Variants in ZNF365 observed in about 807,000 individuals in gnomAD.
ZNF365 encodes zinc finger protein 365.
In ZNF365, 22 loss-of-function variants were observed where a neutral mutation model predicts 35.0. That is an observed-to-expected ratio of 0.63 (90% CI 0.45 to 0.90). The LOEUF (loss-of-function observed/expected upper bound fraction) is 0.90. Among genes scored for constraint, ZNF365 ranks in the 40% least tolerant of loss-of-function variants. The pLI, the probability that ZNF365 is intolerant of heterozygous loss-of-function variation, is 0.00. For synonymous variants in ZNF365, 188 were observed against 196.2 expected (o/e 0.96, Z 0.35); for missense variants, 448 against 500.3 (o/e 0.90, Z 1.00).
Position 62,376,716 on chromosome 10 carries a change from A to G in ZNF365, c.523A>G (p.Thr175Ala). 6.2e-7 allele frequency: 1 copy of G among 1,614,168 alleles called. No homozygotes were observed. The highest frequency in any genetic ancestry group is 8.5e-7 in the Non-Finnish European group (1 of 1,180,032). ...FNRMVEAVDR[T>A]IEKRIDKLTK... ...TCGAATGGTTGAGGCTGTGGATAGG[A>G]CCATTGAGAAGAGAATTGATAAACT... is the stretch of plus-strand genomic sequence containing the variant. The change falls in exon 2 of 5, where the codon ACC (threonine) becomes GCC (alanine). Residue 175 changes from threonine to alanine, a missense_variant. Physicochemically the swap from Thr to Ala is moderately conservative, Grantham distance 58 (BLOSUM62 0). This residue lies in a region of ZNF365 where 362 missense variants were observed against 375.7 expected (regional missense o/e 0.96). Coordinates refer to ENST00000395254, the MANE Select transcript of ZNF365 (RefSeq NM_014951.3).
chr10:62,378,493 G>T (rs1839373461), intron 2 of ZNF365, among the ~76,000 whole-genome samples: 1 of 152,070 alleles, frequency 6.6e-6, no homozygotes, highest in Admixed American at 6.5e-5. Flanking sequence ...GCTATGCATG[G>T]GTCAGTTACA....
chr10:62,413,343 G>T (rs920320180), intron 3 of ZNF365, among the ~76,000 whole-genome samples: 1 of 152,110 alleles, frequency 6.6e-6, no homozygotes, highest in Non-Finnish European at 1.5e-5. Flanking sequence ...AATGTGCATT[G>T]TGAATCTTTT....
intron 3 of ZNF365, among the ~76,000 whole-genome samples, chr10:62,437,770 C>A (rs1320019981): frequency 6.6e-6 from 1 of 152,186 alleles, no homozygotes; most frequent in East Asian, 1.9e-4. Flanking sequence ...TGACCAGAAA[C>A]AAGCAGCCCT....
chr10:62,424,479 T>C (rs1490557720), intron 3 of ZNF365, among the ~76,000 whole-genome samples: 1 of 152,180 alleles, frequency 6.6e-6, no homozygotes, highest in East Asian at 1.9e-4. Flanking sequence ...AAAATAGTCA[T>C]TTGATAATTT....
chr10:62,470,334 A>G (rs1841014100), intron 4 of ZNF365, among the ~76,000 whole-genome samples: 1 of 152,176 alleles, frequency 6.6e-6, no homozygotes, highest in African/African-American at 2.4e-5. Context: ...GGAATCCTTA[A>G]CTTCTATCAT....
At chr10:62,404,158 A>G (rs1283754095), downstream of ZNF365, among the ~76,000 whole-genome samples, 1 of 152,228 alleles carries the variant, frequency 6.6e-6, no homozygotes, top group Non-Finnish European at 1.5e-5. Flanking sequence ...AACCTCACAT[A>G]TAGGCAGGCT....
chr10:62,422,671 A>T (rs577090525), intron 3 of ZNF365, among the ~76,000 whole-genome samples: 1 of 152,248 alleles, frequency 6.6e-6, no homozygotes, highest in Admixed American at 6.5e-5. Flanking sequence ...TCATTTATTC[A>T]GTTTGGAAAT....
At chr10:62,415,028 TG>T (rs1840051229) in intron 3 of ZNF365, among the ~76,000 whole-genome samples, 1 of 151,974 alleles carries the variant, frequency 6.6e-6, no homozygotes, top group Non-Finnish European at 1.5e-5. Context: ...TCGTCTGATT[TG>T]TTTTTAGAGA....
chr10:62,480,133 G>T, exon 5 of ZNF365: 1 of 1,312,544 alleles, frequency 7.6e-7, no homozygotes, highest in Non-Finnish European at 9.7e-7. Flanking sequence ...TGAGGGCACA[G>T]CCCACCCCTC....
chr10:62,476,303 T>C (rs1055072657), intron 4 of ZNF365, among the ~76,000 whole-genome samples: 8 of 152,154 alleles, frequency 5.3e-5, no homozygotes, highest in African/African-American at 1.7e-4. Flanking sequence ...TTTGATAGAG[T>C]TTCTACAGAG....
chr10:62,443,878 C>G (rs1840542135), intron 3 of ZNF365, among the ~76,000 whole-genome samples: 1 of 152,164 alleles, frequency 6.6e-6, no homozygotes. Flanking sequence ...TTAAGCCAGG[C>G]CTCTCCACTG....
chr10:62,416,884 G>A (rs563113691), intron 3 of ZNF365, among the ~76,000 whole-genome samples: 7 of 152,046 alleles, frequency 4.6e-5, no homozygotes, highest in Non-Finnish European at 5.9e-5. Context: ...TTAGTATTTT[G>A]AATTTGGGAT....
chr10:62,410,406 C>T (rs1419280880), intron 3 of ZNF365, among the ~76,000 whole-genome samples: 3 of 152,066 alleles, frequency 2.0e-5, no homozygotes, highest in Non-Finnish European at 4.4e-5. Context: ...TTCTAGGGTA[C>T]ATGTGCAGGA....
intron 3 of ZNF365, among the ~76,000 whole-genome samples, chr10:62,447,403 G>T (rs905262041): frequency 2.5e-4 from 38 of 152,138 alleles, no homozygotes; most frequent in African/African-American, 2.4e-5. Context: ...TCTAGCAAAT[G>T]GTTGAAAGCT....
chr10:62,421,601 C>T (rs1022881720), intron 3 of ZNF365, among the ~76,000 whole-genome samples: 8 of 152,140 alleles, frequency 5.3e-5, no homozygotes, highest in Non-Finnish European at 1.2e-4. Context: ...CTGACAGCCT[C>T]CCGACATTGG....
chr10:62,405,540 A>T (rs941593425), downstream of ZNF365, among the ~76,000 whole-genome samples: 1 of 152,162 alleles, frequency 6.6e-6, no homozygotes, highest in Non-Finnish European at 1.5e-5. Context: ...GCATTTGTTG[A>T]TTACATAAAA....
intron 3 of ZNF365, among the ~76,000 whole-genome samples, chr10:62,445,485 C>G (rs899698400): frequency 4.6e-5 from 7 of 152,176 alleles, no homozygotes; most frequent in African/African-American, 1.7e-4. Context: ...GTCCCCAGTT[C>G]TAAGAGCAGG....
chr10:62,400,549 G>C lies in ZNF365; in HGVS notation c.*760G>C, dbSNP rs746586328. 3.6e-4 allele frequency: 355 copies of C among 985,998 alleles called. No individual in the cohort carries two copies. Among genetic ancestry groups the C allele is most frequent in the Middle Eastern group, 1.0e-3 (2 of 1,914 alleles). The allele number at this position is 985,998 out of a possible 1,614,324, so 61.1% of individuals were successfully genotyped here. A position where few individuals can be genotyped will look rare whatever the true frequency, so the allele number is the denominator to read the frequency against. Reference sequence around the variant, plus strand: ...CTTAATAGCTGCTTCTGTGGATATGGCTGGGGAGCGAAGTAAAATCCTCTT... The same window carrying C: ...CTTAATAGCTGCTTCTGTGGATATGCCTGGGGAGCGAAGTAAAATCCTCTT... On this transcript the variant is annotated 3_prime_UTR_variant, in exon 5 of 5. Transcript: ENST00000395254.
At chr10:62,394,659 A>G (rs1000000246) in intron 3 of ZNF365, among the ~76,000 whole-genome samples, 1 of 152,230 alleles carries the variant, frequency 6.6e-6, no homozygotes, top group Non-Finnish European at 1.5e-5. Context: ...AAGAACATAA[A>G]TGCTCAAGGG....
Sources: allele counts gnomAD v4.1 joint callset (sites outside exome capture counted in the v4.1 genomes callset), GRCh38; gene constraint gnomAD v4.1.1; regional missense constraint gnomAD v4.1.1; transcripts MANE v1.5; gene names NCBI Gene and HGNC (gene_info 2026-07-23, HGNC 2026-07-21).